NPAS2: variants seen among roughly 807,000 people sequenced by gnomAD.
NPAS2 encodes the protein neuronal PAS domain protein 2.
NPAS2 carries 23 observed loss-of-function variants against 107.5 expected under a neutral mutation model. That is an observed-to-expected ratio of 0.21 (90% CI 0.15 to 0.30). The LOEUF (loss-of-function observed/expected upper bound fraction) is 0.30, where lower values mean the gene tolerates loss of function less well. NPAS2 is among the 10% of genes least tolerant of loss of function. The probability of loss-of-function intolerance (pLI) is 1.00; values close to 1 mark genes in which losing one functional copy is unlikely to be tolerated. For synonymous variants in NPAS2, 403 were observed against 417.5 expected, an observed-to-expected ratio of 0.97 and a Z score of 0.42; for missense variants, 756 against 1,043.3, an observed-to-expected ratio of 0.72 and a Z score of 3.79.
intron 1 of NPAS2, among the ~76,000 whole-genome samples, chr2:100,843,716 A>T (rs959782978): frequency 6.6e-6 from 1 of 152,144 alleles, no homozygotes; most frequent in African/African-American, 2.4e-5. Flanking sequence ...ATTTCCATTT[A>T]TCTTAAGGAA....
chr2:100,945,248 C>T (rs1055018988), intron 5 of NPAS2, among the ~76,000 whole-genome samples: 12 of 152,302 alleles, frequency 7.9e-5, no homozygotes, highest in East Asian at 7.7e-4. Flanking sequence ...CGATCAGCCA[C>T]CAAGCTGTGT....
At chr2:100,897,637 G>A (rs1681496295) in intron 1 of NPAS2, among the ~76,000 whole-genome samples, 2 of 152,092 alleles carry the variant, frequency 1.3e-5, no homozygotes. Flanking sequence ...TCTCATCAAG[G>A]AGGTCTTCCA....
Position 100,995,869 on chromosome 2 carries a change from C to G in NPAS2, c.*287C>G, listed in dbSNP as rs1366761326. ...GTGTAGGCATCGTCGGTCGGTTTGC[C>G]GTCAGAGATGGCGCATCTCGCTGCA... On this transcript the variant is annotated 3_prime_UTR_variant, in exon 21 of 21. Coordinates refer to ENST00000335681, the MANE Select transcript of NPAS2 (RefSeq NM_002518.4). 6.7e-7 allele frequency: 1 copy of G among 1,494,406 alleles called. No individual in the cohort carries two copies. Among genetic ancestry groups the G allele is most frequent in the Non-Finnish European group, 9.0e-7 (1 of 1,112,904 alleles). 92.6% of individuals were successfully genotyped at this position (1,494,406 alleles called of 1,614,324 possible).
chr2:100,838,904 C>T (rs1677229176), intron 1 of NPAS2, among the ~76,000 whole-genome samples: 1 of 152,020 alleles, frequency 6.6e-6, no homozygotes, highest in South Asian at 2.1e-4. Flanking sequence ...TATATATTTA[C>T]AGTTGACCCT....
rs756079400 is a variant in NPAS2, at chr2:100,927,996, T to C, written c.181+2702T>C. 1.9e-3 allele frequency among the ~76,000 whole-genome samples: 284 copies of C among 152,354 alleles called. 1 individual carries two copies. The highest frequency in any genetic ancestry group is 2.9e-3 in the Non-Finnish European group (200 of 68,034). The stretch of plus-strand genomic sequence containing the variant: ...CAGTTCTTCCATGCAGGCAGTGATG[T>C]GTCTCTTCCACTGAACATTTTCCTA... On this transcript the variant is annotated intron_variant, in intron 3 of 20. Transcript: ENST00000335681.
At chr2:100,957,881 T>A (rs908736053) in intron 7 of NPAS2, among the ~76,000 whole-genome samples, 1 of 152,080 alleles carries the variant, frequency 6.6e-6, no homozygotes, top group African/African-American at 2.4e-5. Context: ...TGAGCTGAGA[T>A]CGCGCCACTG....
intron 2 of NPAS2, among the ~76,000 whole-genome samples, chr2:100,907,833 G>A (rs1318626707): frequency 1.3e-5 from 2 of 152,154 alleles, no homozygotes; most frequent in East Asian, 1.9e-4. Flanking sequence ...TTAATTGAGT[G>A]TCTATTGTGT....
At chr2:100,911,923 C>T (rs1185175487) in intron 2 of NPAS2, among the ~76,000 whole-genome samples, 2 of 152,156 alleles carry the variant, frequency 1.3e-5, no homozygotes, top group East Asian at 1.9e-4. Context: ...TGAGCAATGG[C>T]GCCCGGCTTC....
intron 4 of NPAS2, among the ~76,000 whole-genome samples, chr2:100,936,979 C>CAAAA (rs34968729): frequency 9.4e-5 from 7 of 74,624 alleles, no homozygotes; most frequent in East Asian, 3.4e-4. Flanking sequence ...GACTCCATCT[C>CAAAA]AAAAAAAAAA....
chr2:100,954,673 AAAAAAAAGAAAAAAAAG>A (rs1453056510), intron 7 of NPAS2, among the ~76,000 whole-genome samples: 6 of 123,604 alleles, frequency 4.9e-5, no homozygotes, highest in Admixed American at 2.8e-4. Context: ...TCAAAAAAAA[AAAAAAAAGAAAAAAAAG>A]AAAAGAAAAA....
rs774908891 is a variant in NPAS2, at chr2:100,925,254, C to G, written c.141C>G (p.Thr47=). 2.5e-6 allele frequency: 4 copies of G among 1,613,964 alleles called. No homozygotes were observed. Residue 47 remains threonine (T), a synonymous_variant, in exon 3 of 21, where the codon ACC becomes ACG. Transcript: ENST00000335681. ...PGNTRKMDKT[T]VLEKVIGFLQ... The stretch of plus-strand genomic sequence containing the variant: ...ACACGCGGAAAATGGACAAAACCAC[C>G]GTGTTGGAAAAGGTCATCGGATTTT...
intron 5 of NPAS2, among the ~76,000 whole-genome samples, chr2:100,942,657 C>T (rs1674643701): frequency 6.6e-6 from 1 of 152,090 alleles, no homozygotes; most frequent in African/African-American, 2.4e-5. Flanking sequence ...TGGCTGGGAC[C>T]ACAGAAGCTC....
At chr2:100,988,001 A>G (rs569483034) in intron 16 of NPAS2, 78 bp from the exon 17 acceptor site, 1 of 1,477,634 alleles carries the variant, frequency 6.8e-7, no homozygotes, top group African/African-American at 1.4e-5. Flanking sequence ...TCTTACTGGC[A>G]CAGGGAATGC....
chr2:100,935,427 T>C (rs1684239922), intron 4 of NPAS2, among the ~76,000 whole-genome samples: 1 of 152,204 alleles, frequency 6.6e-6, no homozygotes, highest in African/African-American at 2.4e-5. Flanking sequence ...CACCATTCCA[T>C]GGATAGGGGC....
At chr2:100,879,793 A>G (rs1680218405) in intron 1 of NPAS2, among the ~76,000 whole-genome samples, 1 of 152,184 alleles carries the variant, frequency 6.6e-6, no homozygotes, top group South Asian at 2.1e-4. Flanking sequence ...TTAAAAAACA[A>G]CCATCAACAA....
At chr2:100,896,671 C>T (rs188394187) in intron 1 of NPAS2, among the ~76,000 whole-genome samples, 12 of 152,306 alleles carry the variant, frequency 7.9e-5, no homozygotes, top group Admixed American at 2.0e-4. Context: ...ATTTTAGTCA[C>T]CAGGATATAA....
chr2:100,937,247 T>C (rs1380961167), intron 4 of NPAS2, among the ~76,000 whole-genome samples: 1 of 152,188 alleles, frequency 6.6e-6, no homozygotes, highest in Non-Finnish European at 1.5e-5. Flanking sequence ...GGCATTTCTC[T>C]TGTGGCAATG....
chr2:100,907,160 C>G (rs1325434812), intron 2 of NPAS2, among the ~76,000 whole-genome samples: 2 of 152,124 alleles, frequency 1.3e-5, no homozygotes, highest in Non-Finnish European at 2.9e-5. Context: ...ACCTCTAAAT[C>G]AGGAAGAGAT....
At chr2:100,822,702 G>A (rs1676147466) in intron 1 of NPAS2, 1 of 152,174 alleles carries the variant, frequency 6.6e-6, no homozygotes, top group Admixed American at 6.5e-5. Context: ...TTTAAAACAA[G>A]CATGTGTTTT....
Sources: gnomAD v4.1 joint callset for allele counts (sites outside exome capture counted in the v4.1 genomes callset) on GRCh38, gnomAD v4.1.1 for gene constraint, MANE v1.5 for transcripts, NCBI Gene and HGNC (gene_info 2026-07-23, HGNC 2026-07-21) for gene names.